Variants in FGF13 observed in about 807,000 individuals in gnomAD.
FGF13 encodes fibroblast growth factor 13.
In FGF13, 2 loss-of-function variants were observed where a neutral mutation model predicts 19.5. That is an observed-to-expected ratio of 0.10 (90% CI 0.04 to 0.32). The LOEUF is 0.32. Among genes scored for constraint, FGF13 ranks in the 10% least tolerant of loss-of-function variants. The pLI, the probability that FGF13 is intolerant of heterozygous loss-of-function variation, is 1.00. For missense variants in FGF13, 113 were observed against 192.7 expected (o/e 0.59, Z 2.45); for synonymous variants, 72 against 76.9 (o/e 0.94, Z 0.33).
intron 1 of FGF13, among the ~76,000 whole-genome samples, chrX:139,129,410 A>C (rs957155976): frequency 9.0e-6 from 1 of 110,870 alleles, no homozygotes; most frequent in African/African-American, 3.3e-5. Context: ...GGGAGAAGAC[A>C]GCCTAAATCC....
At chrX:138,893,065 A>G (rs954653928) in intron 1 of FGF13, among the ~76,000 whole-genome samples, 12 of 111,515 alleles carry the variant, frequency 1.1e-4, no homozygotes, top group African/African-American at 3.3e-4. Flanking sequence ...AGGCAGCTCA[A>G]AAAATCCATG....
intron 3 of FGF13, among the ~76,000 whole-genome samples, chrX:138,681,367 T>G (rs2089727383): frequency 9.2e-6 from 1 of 108,626 alleles, no homozygotes; most frequent in African/African-American, 3.4e-5. Flanking sequence ...GCAACTTTTC[T>G]TCTGCAGCTT....
rs187258044 is a variant in FGF13, at chrX:138,894,476, T to C, written c.-112-29826A>G. ...ATGCAATAAAAAATGATAAAGGGGA[T>C]ATAACCACCAATCCCACAGAAATAC... On this transcript the variant is annotated intron_variant, in intron 1 of 2. Transcript: ENST00000421460. Among the ~76,000 whole-genome samples the C allele has an allele frequency of 2.7e-5, 3 of 111,017 alleles. No homozygotes were observed. The East Asian group carries it at 8.5e-4, about 31-fold the overall frequency.
chrX:139,144,378 T>C (rs978990707), intron 1 of FGF13, among the ~76,000 whole-genome samples: 5 of 112,168 alleles, frequency 4.5e-5, no homozygotes, highest in African/African-American at 1.6e-4. Context: ...ACTCCCCTTT[T>C]GGGGAAGCCA....
chrX:138,677,066 A>G (rs1429128006), intron 3 of FGF13, among the ~76,000 whole-genome samples: 1 of 112,357 alleles, frequency 8.9e-6, no homozygotes, highest in Non-Finnish European at 1.9e-5. Flanking sequence ...AATTTCGTTG[A>G]TCCTTTCACA....
intron 1 of FGF13, among the ~76,000 whole-genome samples, chrX:138,923,011 A>C (rs1198555229): frequency 8.9e-6 from 1 of 112,535 alleles, no homozygotes; most frequent in African/African-American, 3.2e-5. Context: ...TGTGCATATT[A>C]ATGATTTAGG....
At chrX:139,058,854 C>G (rs1301822423) in intron 1 of FGF13, among the ~76,000 whole-genome samples, 1 of 111,394 alleles carries the variant, frequency 9.0e-6, no homozygotes, top group East Asian at 2.8e-4. Flanking sequence ...AACCCTACCA[C>G]CTAACTTTAC....
intron 1 of FGF13, among the ~76,000 whole-genome samples, chrX:139,155,646 G>C (rs1293861933): frequency 8.9e-6 from 1 of 112,269 alleles, no homozygotes; most frequent in Non-Finnish European, 1.9e-5. Flanking sequence ...CAGGAAGAAA[G>C]GCAGAAATGT....
chrX:138,933,279 A>AT (rs2091714474), intron 1 of FGF13, among the ~76,000 whole-genome samples: 1 of 111,745 alleles, frequency 8.9e-6, no homozygotes, highest in African/African-American at 3.3e-5. Context: ...GGGCATACTA[A>AT]TTTTTTAAGA....
chrX:139,124,027 C>T (rs1016086218), intron 1 of FGF13, among the ~76,000 whole-genome samples: 8 of 112,181 alleles, frequency 7.1e-5, no homozygotes, highest in African/African-American at 2.6e-4. Context: ...ACCGACCAAT[C>T]ACATCTTCCC....
At chrX:138,997,962 G>A (rs1412474416) in intron 1 of FGF13, among the ~76,000 whole-genome samples, 1 of 111,717 alleles carries the variant, frequency 9.0e-6, no homozygotes, top group Non-Finnish European at 1.9e-5. Context: ...ACAAAGGGAA[G>A]CCCATTGGAC....
At chrX:138,782,022 G>GT (rs1423298159) in intron 3 of FGF13, among the ~76,000 whole-genome samples, 1 of 111,697 alleles carries the variant, frequency 9.0e-6, no homozygotes, top group Non-Finnish European at 1.9e-5. Flanking sequence ...ATCAATAAAT[G>GT]TAATCCAGCA....
chrX:138,918,646 G>C (rs1277446714), intron 1 of FGF13, among the ~76,000 whole-genome samples: 2 of 111,679 alleles, frequency 1.8e-5, no homozygotes, highest in African/African-American at 6.5e-5. Context: ...CTTCTCTCAT[G>C]CAATCTACAG....
intron 1 of FGF13, among the ~76,000 whole-genome samples, chrX:139,116,220 T>C (rs17284670): frequency 0.086 from 9,635 of 112,137 alleles, 383 homozygotes; most frequent in South Asian, 0.22. Flanking sequence ...CCAAGAAATA[T>C]ACAATGAGTG....
intron 1 of FGF13, among the ~76,000 whole-genome samples, chrX:138,984,592 A>AAGAAGAAGAGGGG (rs1569436193): frequency 3.4e-5 from 1 of 29,757 alleles, no homozygotes; most frequent in African/African-American, 1.2e-4. Context: ...AAGAAGAAGG[A>AAGAAGAAGAGGGG]GGAGGAGGAG....
intron 1 of FGF13, among the ~76,000 whole-genome samples, chrX:138,894,444 C>A (rs1400065257): frequency 2.7e-5 from 3 of 110,697 alleles, no homozygotes; most frequent in African/African-American, 9.9e-5. Flanking sequence ...AGAGAAAAAT[C>A]CAATAGATGC....
intron 1 of FGF13, among the ~76,000 whole-genome samples, chrX:138,941,691 T>C (rs1235590240): frequency 8.9e-6 from 1 of 112,182 alleles, no homozygotes; most frequent in South Asian, 3.8e-4. Context: ...AAGAAAGTCC[T>C]CAAACCTCAT....
intron 1 of FGF13, among the ~76,000 whole-genome samples, chrX:139,155,685 G>A (rs1374498619): frequency 8.9e-6 from 1 of 112,331 alleles, no homozygotes; most frequent in Non-Finnish European, 1.9e-5. Flanking sequence ...CACAACACAG[G>A]AGACTAGCTC....
chrX:138,875,248 A>C (rs2091381897), intron 1 of FGF13, among the ~76,000 whole-genome samples: 1 of 108,788 alleles, frequency 9.2e-6, no homozygotes, highest in South Asian at 4.0e-4. Context: ...AAAAAAAAAA[A>C]CAGAAAAGAA....
Sources: gnomAD v4.1 joint callset for allele counts (sites outside exome capture counted in the v4.1 genomes callset) on GRCh38, gnomAD v4.1.1 for gene constraint, MANE v1.5 for transcripts, NCBI Gene and HGNC (gene_info 2026-07-23, HGNC 2026-07-21) for gene names.